The following LRRC7 variants were observed in gnomAD, a reference collection of about 807,000 sequenced individuals.
LRRC7 encodes the protein leucine rich repeat containing 7, also known as leucine-rich repeat-containing protein 7.
In LRRC7, 23 loss-of-function variants were observed where a neutral mutation model predicts 175.7. The ratio of observed to expected loss-of-function variants is 0.13; its 90% CI spans 0.09 to 0.19. LRRC7 has a LOEUF of 0.19. Among genes scored for constraint, LRRC7 ranks in the 10% least tolerant of loss-of-function variants. The probability of loss-of-function intolerance (pLI) is 1.00; values close to 1 mark genes in which losing one functional copy is unlikely to be tolerated. For synonymous variants in LRRC7, 685 were observed against 680.9 expected (o/e 1.01, Z -0.09); for missense variants, 1,354 against 1,904.7 (o/e 0.71, Z 5.38).
At chr1:70,001,199 G>C (rs1434367077) in intron 11 of LRRC7, among the ~76,000 whole-genome samples, 1 of 151,986 alleles carries the variant, frequency 6.6e-6, no homozygotes, top group Non-Finnish European at 1.5e-5. Context: ...ATAGTAATCA[G>C]AACAACTATA....
intron 1 of LRRC7, among the ~76,000 whole-genome samples, chr1:69,630,910 A>T: frequency 6.6e-6 from 1 of 152,142 alleles, no homozygotes; most frequent in Non-Finnish European, 1.5e-5. Flanking sequence ...TTTTGTAAAA[A>T]TTGCTTATAT....
intron 4 of LRRC7, among the ~76,000 whole-genome samples, chr1:69,814,768 C>A (rs1278808048): frequency 6.6e-6 from 1 of 152,108 alleles, no homozygotes; most frequent in Non-Finnish European, 1.5e-5. Flanking sequence ...TGGTAACCTA[C>A]TTTTCTAAAT....
chr1:70,052,886 A>G (rs1173595077), intron 22 of LRRC7, 140 bp from the exon 23 acceptor site: 1 of 756,770 alleles, frequency 1.3e-6, no homozygotes, highest in Admixed American at 3.1e-5. Flanking sequence ...TAAATAGTAT[A>G]TAATATTTGC....
At position 70,125,113 on chromosome 1, in the gene LRRC7, T is replaced by C. The variant is rs1323467988; in HGVS notation, c.*3226T>C. Among the ~76,000 whole-genome samples, 1 of 152,238 alleles carries C rather than the reference T, an allele frequency of 6.6e-6. No homozygotes were observed. Among genetic ancestry groups the C allele is most frequent in the Non-Finnish European group, 1.5e-5 (1 of 68,040 alleles). On this transcript the variant is annotated 3_prime_UTR_variant, in exon 27 of 27. Transcript: ENST00000651989. ...ATACATAGTAACTCCAAAGTATAAG[T>C]GCATTTTTGACAAGGAATATTCAAA...
At chr1:69,927,107 C>A (rs1158715458) in intron 7 of LRRC7, among the ~76,000 whole-genome samples, 1 of 152,160 alleles carries the variant, frequency 6.6e-6, no homozygotes, top group Non-Finnish European at 1.5e-5. Context: ...GTTGAAAATT[C>A]TTTCCTTTAA....
At chr1:69,808,250 G>A (rs1007041195) in intron 4 of LRRC7, among the ~76,000 whole-genome samples, 10 of 151,404 alleles carry the variant, frequency 6.6e-5, no homozygotes, top group Admixed American at 5.9e-4. Flanking sequence ...ATAAAACCCA[G>A]ATTCAAAAAG....
At chr1:69,799,922 A>G (rs1414296846) in intron 4 of LRRC7, among the ~76,000 whole-genome samples, 1 of 152,040 alleles carries the variant, frequency 6.6e-6, no homozygotes, top group East Asian at 1.9e-4. Context: ...ATTTCCATAT[A>G]TGGTGAGAGA....
At chr1:70,055,189 G>A (rs1006815668) in intron 23 of LRRC7, among the ~76,000 whole-genome samples, 4 of 152,150 alleles carry the variant, frequency 2.6e-5, no homozygotes, top group Non-Finnish European at 5.9e-5. Context: ...GGCTATGACA[G>A]TACCTGGAAA....
At chr1:69,846,403 T>G (rs1284163213) in intron 7 of LRRC7, among the ~76,000 whole-genome samples, 1 of 152,078 alleles carries the variant, frequency 6.6e-6, no homozygotes, top group African/African-American at 2.4e-5. Context: ...TTCAGACTAC[T>G]TCAAACAATA....
intron 15 of LRRC7, 34 bp from the exon 16 acceptor site, chr1:70,020,971 A>G: frequency 6.4e-7 from 1 of 1,562,338 alleles, no homozygotes; most frequent in Non-Finnish European, 8.6e-7. Flanking sequence ...ATTGTTTTTT[A>G]AAAAAACAAT....
intron 1 of LRRC7, among the ~76,000 whole-genome samples, chr1:69,582,456 G>A (rs1335464240): frequency 2.6e-5 from 4 of 152,286 alleles, no homozygotes; most frequent in African/African-American, 9.6e-5. Flanking sequence ...GTAGAGGACA[G>A]GAGCAAGAGG....
chr1:69,922,483 G>A (rs1570665244), intron 7 of LRRC7, among the ~76,000 whole-genome samples: 2 of 152,112 alleles, frequency 1.3e-5, no homozygotes, highest in South Asian at 2.1e-4. Context: ...CATTCCACTT[G>A]TAATTTCTCT....
chr1:69,591,600 A>G (rs1466920100), intron 1 of LRRC7, among the ~76,000 whole-genome samples: 1 of 151,400 alleles, frequency 6.6e-6, no homozygotes, highest in Non-Finnish European at 1.5e-5. Flanking sequence ...TCACAACTCT[A>G]TGGTTCCACA....
chr1:69,935,758 A>G (rs913012153), intron 8 of LRRC7, among the ~76,000 whole-genome samples: 2 of 152,112 alleles, frequency 1.3e-5, no homozygotes, highest in African/African-American at 2.4e-5. Flanking sequence ...ATTTCTTTTC[A>G]GTCTCTGGAG....
intron 26 of LRRC7, among the ~76,000 whole-genome samples, chr1:70,109,942 T>C (rs1237083750): frequency 1.3e-5 from 2 of 152,202 alleles, no homozygotes. Flanking sequence ...TAGAGAAGTA[T>C]GCTATAGCTT....
chr1:69,948,899 A>G (rs929598899), intron 8 of LRRC7, among the ~76,000 whole-genome samples: 2 of 152,176 alleles, frequency 1.3e-5, no homozygotes, highest in African/African-American at 2.4e-5. Context: ...GCCTCCTTCT[A>G]TATCTGACTC....
chr1:69,649,327 A>AT (rs930700886), intron 1 of LRRC7, among the ~76,000 whole-genome samples: 17 of 152,042 alleles, frequency 1.1e-4, no homozygotes, highest in Non-Finnish European at 1.9e-4. Context: ...TTTTATTCTT[A>AT]TTTTTTTCCC....
chr1:70,060,166 C>CA (rs1406900384), intron 23 of LRRC7, among the ~76,000 whole-genome samples: 4 of 151,330 alleles, frequency 2.6e-5, no homozygotes, highest in Non-Finnish European at 4.4e-5. Flanking sequence ...TTAAAAATGT[C>CA]AAAAAAAATT....
chr1:70,114,059 A>G (rs1382994258), intron 26 of LRRC7, among the ~76,000 whole-genome samples: 1 of 152,030 alleles, frequency 6.6e-6, no homozygotes, highest in Admixed American at 6.5e-5. Flanking sequence ...TTTAAAAAAA[A>G]TCTTCCAAAA....
Sources: allele counts gnomAD v4.1 joint callset (sites outside exome capture counted in the v4.1 genomes callset), GRCh38; gene constraint gnomAD v4.1.1; transcripts MANE v1.5; gene names NCBI Gene and HGNC (gene_info 2026-07-23, HGNC 2026-07-21).